Variants in NUMA1 observed in about 807,000 individuals in gnomAD.
NUMA1 encodes the protein SP-H antigen.
NUMA1 carries 62 observed loss-of-function variants against 237.1 expected under a neutral mutation model. The observed-to-expected ratio is 0.26, with a 90% CI of 0.21 to 0.32. The LOEUF (loss-of-function observed/expected upper bound fraction) is 0.32, where lower values mean the gene tolerates loss of function less well. NUMA1 is among the 10% of genes least tolerant of loss of function. The probability of loss-of-function intolerance (pLI) is 1.00; values close to 1 mark genes in which losing one functional copy is unlikely to be tolerated. For synonymous variants in NUMA1, 1,028 were observed against 1,066.1 expected (o/e 0.96, Z 0.70); for missense variants, 2,533 against 2,666.5 (o/e 0.95, Z 1.10).
At chr11:72,003,782 C>T in intron 26 of NUMA1, 105 bp downstream of exon 26, 2 of 1,251,988 alleles carry the variant, frequency 1.6e-6, no homozygotes, top group Non-Finnish European at 2.3e-6. Context: ...CCACACCCTC[C>T]AGCAGCCTGG....
In NUMA1 at chr11:72,003,989, G is replaced by T. The variant is rs780526297; in HGVS notation, c.6234C>A (p.Pro2078=). 5.0e-6 allele frequency: 8 copies of T among 1,613,246 alleles called. No individual in the cohort carries two copies. In the Middle Eastern group the frequency reaches 8.2e-4, roughly 166 times the overall value. Residue 2078 remains proline, a synonymous_variant, in exon 26 of 27, where the codon CCC becomes CCA. Transcript: ENST00000393695. The part of the protein sequence containing the change: ...ASKKALSKAS[P]NTRSGTRRSP... ...AACGGCGGGTTCCACTGCGAGTGTT[G>T]GGGGAAGCCTTGGACAGGGCCTTCT...
chr11:72,062,542 A>C (rs1352390194), intron 2 of NUMA1: 4 of 150,474 alleles, frequency 2.7e-5, no homozygotes, highest in Non-Finnish European at 4.4e-5. Context: ...GTGAAACCCC[A>C]TCTCTACTTA....
At chr11:72,060,904 T>C (rs2136158137) in intron 2 of NUMA1, among the ~76,000 whole-genome samples, 1 of 151,950 alleles carries the variant, frequency 6.6e-6, no homozygotes, top group East Asian at 1.9e-4. Flanking sequence ...ACCCCATCTC[T>C]ACTAAAAATA....
chr11:72,044,481 C>G (rs1201758545), intron 2 of NUMA1, among the ~76,000 whole-genome samples: 1 of 151,970 alleles, frequency 6.6e-6, no homozygotes, highest in Non-Finnish European at 1.5e-5. Context: ...CTCTGTCTGT[C>G]TGCCTTCTTC....
intron 8 of NUMA1, chr11:72,020,925 G>C (rs1160649223): frequency 3.0e-6 from 1 of 335,358 alleles, no homozygotes; most frequent in Non-Finnish European, 5.4e-6. Flanking sequence ...TCTAAGCCTA[G>C]AGTAATGATT....
At chr11:72,058,680 A>C (rs1942791433) in intron 2 of NUMA1, among the ~76,000 whole-genome samples, 2 of 152,216 alleles carry the variant, frequency 1.3e-5, no homozygotes, top group African/African-American at 4.8e-5. Context: ...AATCATCCTC[A>C]GGGTCCAGTG....
At chr11:72,064,705 C>A (rs1389136702) in intron 2 of NUMA1, among the ~76,000 whole-genome samples, 1 of 151,978 alleles carries the variant, frequency 6.6e-6, no homozygotes, top group Non-Finnish European at 1.5e-5. Flanking sequence ...TGGTGGCATG[C>A]ACCTGTAGTC....
At chr11:72,060,010 G>A (rs1942857177) in intron 2 of NUMA1, among the ~76,000 whole-genome samples, 2 of 152,124 alleles carry the variant, frequency 1.3e-5, no homozygotes, top group Non-Finnish European at 2.9e-5. Flanking sequence ...TATTTCTTAT[G>A]AAAGGTATTA....
At chr11:72,006,659 T>A (rs927345586) in intron 21 of NUMA1, among the ~76,000 whole-genome samples, 4 of 152,226 alleles carry the variant, frequency 2.6e-5, no homozygotes, top group African/African-American at 9.6e-5. Flanking sequence ...CAGCCTCTGC[T>A]GTCCCTCAGT....
Position 72,009,366 on chromosome 11 carries a change from C to T in NUMA1, c.4741G>A (p.Glu1581Lys), listed in dbSNP as rs777623098. ...AGGCGCTGGGCCTCCTGCTGGCTCT[C>T]GCCTCCCTGAGCCTGGACAGCCTGA... is the stretch of plus-strand genomic sequence containing the variant. ...KLKAVQAQGG[E>K]SQQEAQRLQA... Residue 1581 changes from glutamate (E) to lysine (K), a missense_variant, in exon 18 of 27, where the codon GAG becomes AAG. This residue lies in a region of NUMA1 where 795 missense variants were observed against 750.8 expected (regional missense o/e 1.06). Transcript: ENST00000393695. 3.7e-6 allele frequency: 6 copies of T among 1,610,580 alleles called. No homozygotes were observed. Among genetic ancestry groups the T allele is most frequent in the South Asian group, 3.3e-5 (3 of 90,998 alleles).
At chr11:72,074,244 T>G (rs1416345137) in intron 1 of NUMA1, among the ~76,000 whole-genome samples, 1 of 150,390 alleles carries the variant, frequency 6.6e-6, no homozygotes, top group Non-Finnish European at 1.5e-5. Context: ...TCCCAGTTAC[T>G]CGGGAGGCTG....
At position 72,005,285 on chromosome 11, in the gene NUMA1, C is replaced by T. The variant is rs149533566; in HGVS notation, c.5777G>A (p.Arg1926His). The change falls in exon 23 of 27, where the codon CGC becomes CAC. Residue 1926 changes from arginine (R) to histidine (H), a missense_variant. By Grantham distance (29) the Arg-to-His change is conservative. Transcript: ENST00000393695. ...CAGATGTGGGGGGCACACTCGATTG[C>T]GCTGCTGCAGCTCTGCAATGCGGTT... is the stretch of plus-strand genomic sequence containing the variant. ...DWNRIAELQQRNRVCPPHLKT... is the reference protein window; with the variant it reads ...DWNRIAELQQHNRVCPPHLKT... 7.5e-6 allele frequency: 12 copies of T among 1,609,750 alleles called. No individual in the cohort carries two copies. The highest frequency in any genetic ancestry group is 2.7e-5 in the African/African-American group (2 of 74,628).
chr11:72,025,856 G>A (rs1939510484), intron 4 of NUMA1, among the ~76,000 whole-genome samples: 1 of 152,188 alleles, frequency 6.6e-6, no homozygotes, highest in African/African-American at 2.4e-5. Context: ...TTGAGGAGAT[G>A]CTAATCTCTT....
rs750100181 is a variant in NUMA1 at position 72,004,334 on chromosome 11, T to G, written c.6014A>C (p.Lys2005Thr). The G allele has an allele frequency of 6.2e-6, 10 of 1,612,224 alleles. No individual in the cohort carries two copies. In the South Asian group the frequency reaches 7.7e-5, roughly 12 times the overall value. Residue 2005 changes from lysine to threonine, a missense_variant, in exon 25 of 27, where the codon AAG (lysine) becomes ACG (threonine). Transcript: ENST00000393695. ...HQGPGTPESK[K>T]ATSCFPRPMT... The stretch of plus-strand genomic sequence containing the variant: ...GGGGCGTGGGAAACAGCTGGTGGCC[T>G]TCTTAGACTATGGAGAAGAGGACAG...
chr11:72,062,504 G>C (rs1481725726), intron 2 of NUMA1: 1 of 151,434 alleles, frequency 6.6e-6, no homozygotes, highest in Non-Finnish European at 1.5e-5. Context: ...CCTGAGGTCA[G>C]GAGTTTGAGA....
In NUMA1 at chr11:72,003,411, G is replaced by T. The variant is rs1409381822; in HGVS notation, c.*116C>A. 6.9e-6 allele frequency: 7 copies of T among 1,015,174 alleles called. No homozygotes were observed. Among genetic ancestry groups the T allele is most frequent in the Non-Finnish European group, 9.4e-6 (6 of 636,812 alleles). 62.9% of individuals were successfully genotyped at this position (1,015,174 alleles called of 1,614,324 possible). A position where few individuals can be genotyped will look rare whatever the true frequency, so the allele number is the denominator to read the frequency against. Reference sequence around the variant, plus strand: ...CGGGCAGGCATCACTGTCTCTAGGGGTTTGGCTACTGTTGGCCTGGGAGCT... The same window carrying T: ...CGGGCAGGCATCACTGTCTCTAGGGTTTTGGCTACTGTTGGCCTGGGAGCT... On this transcript the variant is annotated 3_prime_UTR_variant, in exon 27 of 27. Transcript: ENST00000393695.
In NUMA1 at chr11:72,043,203, T is replaced by A. The variant is rs953967017; in HGVS notation, c.-32-7228A>T. Among the ~76,000 whole-genome samples the A allele has an allele frequency of 2.0e-5, 3 of 149,118 alleles. No individual in the cohort carries two copies. The East Asian group carries it at 6.2e-4, about 31-fold the overall frequency. On this transcript the variant is annotated intron_variant, in intron 2 of 26. Coordinates refer to ENST00000393695, the MANE Select transcript of NUMA1 (RefSeq NM_006185.4). Reference sequence around the variant, plus strand: ...TCAGAACAAGAGAGAAAACAGAGTATAATAAATAGTAGCTGGTGGGGCACG... The same window carrying A: ...TCAGAACAAGAGAGAAAACAGAGTAAAATAAATAGTAGCTGGTGGGGCACG...
At chr11:72,020,587 T>C (rs562457598) in intron 8 of NUMA1, 1 of 152,288 alleles carries the variant, frequency 6.6e-6, no homozygotes, top group African/African-American at 2.4e-5. Flanking sequence ...TTTAAAAGAC[T>C]GTGGGCCGGG....
Position 72,018,957 on chromosome 11 carries a change from G to A in NUMA1, c.608C>T (p.Ser203Phe), listed in dbSNP as rs2135201618. Residue 203 changes from serine to phenylalanine, a missense_variant, in exon 10 of 27, where the codon TCT (serine) becomes TTT (phenylalanine). Transcript: ENST00000393695. ...GNNFLSGSPA[S>F]PMGDILQTPQ... Reference sequence around the variant, plus strand: ...GGTCTGCAGGATATCACCCATGGGAGAAGCTGGAGAACCTGAGAGAAAGCT... The same window carrying A: ...GGTCTGCAGGATATCACCCATGGGAAAAGCTGGAGAACCTGAGAGAAAGCT... 1 of 1,614,004 alleles carries A rather than the reference G, an allele frequency of 6.2e-7. No homozygotes were observed. Among genetic ancestry groups the A allele is most frequent in the Middle Eastern group, 1.7e-4 (1 of 6,058 alleles).
Sources: allele counts gnomAD v4.1 joint callset (sites outside exome capture counted in the v4.1 genomes callset), GRCh38; gene constraint gnomAD v4.1.1; regional missense constraint gnomAD v4.1.1; transcripts MANE v1.5; gene names NCBI Gene and HGNC (gene_info 2026-07-23, HGNC 2026-07-21).